Variants in MTURN observed in about 807,000 individuals in gnomAD.
MTURN encodes the protein maturin, neural progenitor differentiation regulator homolog, also known as maturin.
In MTURN, 7 loss-of-function variants were observed where a neutral mutation model predicts 14.9. That is an observed-to-expected ratio of 0.47 (90% CI 0.27 to 0.88). The LOEUF (loss-of-function observed/expected upper bound fraction) is 0.88, where lower values mean the gene tolerates loss of function less well. MTURN is among the 40% of genes least tolerant of loss of function. The pLI, the probability that MTURN is intolerant of heterozygous loss-of-function variation, is 0.14. For missense variants in MTURN, 151 were observed against 174.1 expected (o/e 0.87, Z 0.75); for synonymous variants, 69 against 72.5 (o/e 0.95, Z 0.25).
chr7:30,138,644 C>G (rs1013600277), intron 1 of MTURN, among the ~76,000 whole-genome samples: 1 of 151,948 alleles, frequency 6.6e-6, no homozygotes. Context: ...CTTGGGGAGA[C>G]TGACTCTAAG....
intron 2 of MTURN, among the ~76,000 whole-genome samples, chr7:30,146,923 ACTTCC>A (rs1248039523): frequency 6.6e-6 from 1 of 152,194 alleles, no homozygotes; most frequent in Non-Finnish European, 1.5e-5. Flanking sequence ...AAGATTACCT[ACTTCC>A]CTTTATCTTC....
intron 1 of MTURN, among the ~76,000 whole-genome samples, chr7:30,144,632 G>T (rs1472896728): frequency 1.3e-5 from 2 of 152,190 alleles, no homozygotes; most frequent in East Asian, 1.9e-4. Context: ...AGCAACGTGT[G>T]TCGAAAATGG....
At chr7:30,151,466 T>A (rs974382891) in intron 2 of MTURN, among the ~76,000 whole-genome samples, 2 of 152,220 alleles carry the variant, frequency 1.3e-5, no homozygotes, top group Non-Finnish European at 2.9e-5. Flanking sequence ...CCCCACCATC[T>A]TTTCATGTTT....
intron 1 of MTURN, among the ~76,000 whole-genome samples, chr7:30,143,475 C>G (rs1474301791): frequency 1.3e-5 from 2 of 151,804 alleles, no homozygotes; most frequent in African/African-American, 4.8e-5. Flanking sequence ...TGGAACACCT[C>G]CTTGTTATGA....
chr7:30,158,629 C>T lies in MTURN; in HGVS notation c.*1081C>T, dbSNP rs1170536458. ...GACACGAAGGTAGGAATCTTTTAAT[C>T]GTGGGTTAGCTTGGTTAACAGGGAA... On this transcript the variant is annotated 3_prime_UTR_variant, in exon 3 of 3. Coordinates refer to ENST00000324453, the MANE Select transcript of MTURN (RefSeq NM_152793.3). 2 of 152,008 alleles carry T rather than the reference C, an allele frequency of 1.3e-5. No individual in the cohort carries two copies. Among genetic ancestry groups the T allele is most frequent in the South Asian group, 2.1e-4 (1 of 4,816 alleles). 9.4% of individuals were successfully genotyped at this position (152,008 alleles called of 1,614,324 possible). A position where few individuals can be genotyped will look rare whatever the true frequency, so the allele number is the denominator to read the frequency against.
intron 1 of MTURN, among the ~76,000 whole-genome samples, chr7:30,144,213 CTG>C (rs1267536776): frequency 1.3e-5 from 2 of 152,248 alleles, no homozygotes; most frequent in East Asian, 3.8e-4. Flanking sequence ...GCTTTTAACT[CTG>C]TCATCTTCAC....
At chr7:30,154,006 C>G (rs1312332394) in intron 2 of MTURN, among the ~76,000 whole-genome samples, 1 of 152,170 alleles carries the variant, frequency 6.6e-6, no homozygotes, top group Non-Finnish European at 1.5e-5. Context: ...ATGTGAGCCA[C>G]CGTGCCTGGC....
In MTURN at chr7:30,159,918, C is replaced by T. The variant is rs1280511756; in HGVS notation, c.*2370C>T. Reference sequence around the variant, plus strand: ...TGTGGTTTCTGTTATGGAAATGGTTCCATGGTGAAACACATCCCTGACCCT... The same window carrying T: ...TGTGGTTTCTGTTATGGAAATGGTTTCATGGTGAAACACATCCCTGACCCT... On this transcript the variant is annotated 3_prime_UTR_variant, in exon 3 of 3. Coordinates refer to ENST00000324453, the MANE Select transcript of MTURN (RefSeq NM_152793.3). The T allele has an allele frequency of 3.3e-5, 5 of 152,422 alleles. No individual in the cohort carries two copies. Among genetic ancestry groups the T allele is most frequent in the Admixed American group, 3.3e-4 (5 of 15,284 alleles). 9.4% of individuals were successfully genotyped at this position (152,422 alleles called of 1,614,324 possible).
At chr7:30,155,851 C>T (rs1488436123) in intron 2 of MTURN, among the ~76,000 whole-genome samples, 1 of 152,196 alleles carries the variant, frequency 6.6e-6, no homozygotes, top group East Asian at 1.9e-4. Context: ...TTCCCCATTT[C>T]AGCCGTGGAG....
intron 1 of MTURN, chr7:30,137,195 C>T (rs536880503): frequency 6.2e-6 from 1 of 160,264 alleles, no homozygotes; most frequent in Non-Finnish European, 1.4e-5. Flanking sequence ...GCTAGGGTCC[C>T]TTCCAGCTCT....
chr7:30,141,656 A>C (rs979386677), intron 1 of MTURN, among the ~76,000 whole-genome samples: 2 of 152,038 alleles, frequency 1.3e-5, no homozygotes, highest in African/African-American at 4.8e-5. Flanking sequence ...GCAAGTAGCC[A>C]GGACTACAGG....
chr7:30,150,512 G>A (rs1043819079), intron 2 of MTURN, among the ~76,000 whole-genome samples: 7 of 152,206 alleles, frequency 4.6e-5, no homozygotes, highest in Admixed American at 2.0e-4. Context: ...TGGCCAAAGC[G>A]CTCAGGGTTA....
Position 30,162,105 on chromosome 7 carries a change from G to A in MTURN, c.*4557G>A, listed in dbSNP as rs1274787494. 3 of 152,048 alleles carry A rather than the reference G, an allele frequency of 2.0e-5. No individual in the cohort carries two copies. In the East Asian group the frequency reaches 5.8e-4, roughly 29 times the overall value. 9.4% of individuals were successfully genotyped at this position (152,048 alleles called of 1,614,324 possible). ...GAAACCCCATTTAAAGCACTATAAGGCTGAATAGGCACAAGCGATTAAAAG... is the reference window on the plus strand; with the variant it reads ...GAAACCCCATTTAAAGCACTATAAGACTGAATAGGCACAAGCGATTAAAAG... On this transcript the variant is annotated 3_prime_UTR_variant, in exon 3 of 3. Transcript: ENST00000324453.
chr7:30,157,488 T>C lies in MTURN; in HGVS notation c.336T>C (p.Ala112=). Residue 112 remains alanine, a synonymous_variant, in exon 3 of 3, where the codon GCT becomes GCC. Coordinates refer to ENST00000324453, the MANE Select transcript of MTURN (RefSeq NM_152793.3). ...ACGATGCGTTTGAAGAGTACAGTGC[T>C]GACGTGGAAGAAGAGGAGCCAGAGG... ...ADDDAFEEYS[A]DVEEEEPEAD... is the part of the protein sequence containing the mutation. The C allele has an allele frequency of 6.2e-7, 1 of 1,608,606 alleles. No homozygotes were observed. The highest frequency in any genetic ancestry group is 8.5e-7 in the Non-Finnish European group (1 of 1,177,770).
intron 2 of MTURN, among the ~76,000 whole-genome samples, chr7:30,151,921 A>G (rs1797218748): frequency 6.6e-6 from 1 of 152,162 alleles, no homozygotes; most frequent in African/African-American, 2.4e-5. Context: ...GTTTGCCACA[A>G]GTGGCTGGAG....
intron 1 of MTURN, among the ~76,000 whole-genome samples, chr7:30,136,855 C>A (rs1190116106): frequency 6.6e-6 from 1 of 152,084 alleles, no homozygotes; most frequent in East Asian, 1.9e-4. Flanking sequence ...CCGAATAGTC[C>A]CTAACACACA....
chr7:30,142,287 C>T (rs1797063190), intron 1 of MTURN, among the ~76,000 whole-genome samples: 1 of 152,114 alleles, frequency 6.6e-6, no homozygotes, highest in South Asian at 2.1e-4. Flanking sequence ...AAGTGCTTAT[C>T]GGATTTTCTG....
chr7:30,144,017 A>C (rs1213712556), intron 1 of MTURN, among the ~76,000 whole-genome samples: 1 of 152,248 alleles, frequency 6.6e-6, no homozygotes, highest in Admixed American at 6.5e-5. Flanking sequence ...GCTCTCAGTG[A>C]GTCACATTGG....
At chr7:30,141,568 C>T (rs995154110) in intron 1 of MTURN, among the ~76,000 whole-genome samples, 5 of 152,174 alleles carry the variant, frequency 3.3e-5, no homozygotes, top group African/African-American at 1.2e-4. Context: ...CTCTTGCTCA[C>T]GCTGGAGTAC....
Sources: gnomAD v4.1 joint callset for allele counts (sites outside exome capture counted in the v4.1 genomes callset) on GRCh38, gnomAD v4.1.1 for gene constraint, MANE v1.5 for transcripts, NCBI Gene and HGNC (gene_info 2026-07-23, HGNC 2026-07-21) for gene names.